Variants in CYP19A1 observed in about 807,000 individuals in gnomAD.
CYP19A1 encodes aromatase.
Under a neutral mutation model 44.4 loss-of-function variants are expected in CYP19A1, and 32 were observed. The observed-to-expected ratio is 0.72, with a 90% CI of 0.54 to 0.97. The LOEUF (loss-of-function observed/expected upper bound fraction) is 0.97. Ranked by LOEUF, CYP19A1 falls within the 50% of genes least tolerant of loss-of-function variation. CYP19A1 has a pLI of 0.00. For missense variants in CYP19A1, 598 were observed against 637.8 expected (o/e 0.94, Z 0.67); for synonymous variants, 212 against 215.6 (o/e 0.98, Z 0.14).
At chr15:51,236,461 T>A (rs1289669198) in intron 3 of CYP19A1, among the ~76,000 whole-genome samples, 1 of 152,196 alleles carries the variant, frequency 6.6e-6, no homozygotes, top group East Asian at 1.9e-4. Flanking sequence ...TTTCTGTGGG[T>A]TTTTTCTTTG....
chr15:51,269,647 G>A (rs1250189828), intron 1 of CYP19A1, among the ~76,000 whole-genome samples: 1 of 152,092 alleles, frequency 6.6e-6, no homozygotes, highest in Non-Finnish European at 1.5e-5. Context: ...TATTTCTCTG[G>A]GTAGCTCCTA....
At chr15:51,228,492 G>T (rs2032774981) in intron 3 of CYP19A1, among the ~76,000 whole-genome samples, 1 of 152,232 alleles carries the variant, frequency 6.6e-6, no homozygotes, top group Non-Finnish European at 1.5e-5. Flanking sequence ...ATCAGTCAGG[G>T]CTTGAAAAAT....
At chr15:51,223,593 T>TCTCTCTCTCTCACACACA (rs1356666512) in intron 4 of CYP19A1, among the ~76,000 whole-genome samples, 3 of 90,144 alleles carry the variant, frequency 3.3e-5, no homozygotes, top group African/African-American at 4.2e-5. Context: ...TCTCTCTCTC[T>TCTCTCTCTCTCACACACA]CACACACACA....
chr15:51,218,664 A>T lies in CYP19A1; in HGVS notation c.629-9T>A. ...AACCACGATAGCACTTTCTGTAGGAAAAAAAAACACACATACACAAGAAAG... is the reference window on the plus strand; with the variant it reads ...AACCACGATAGCACTTTCTGTAGGATAAAAAAACACACATACACAAGAAAG... On this transcript the variant is annotated splice_polypyrimidine_tract_variant and intron_variant, in intron 5 of 9. Transcript: ENST00000396402. 6.2e-7 allele frequency: 1 copy of T among 1,609,352 alleles called. No homozygotes were observed. The highest frequency in any genetic ancestry group is 8.5e-7 in the Non-Finnish European group (1 of 1,177,600).
chr15:51,280,273 A>G (rs2035471364), intron 1 of CYP19A1, among the ~76,000 whole-genome samples: 1 of 151,108 alleles, frequency 6.6e-6, no homozygotes, highest in African/African-American at 2.4e-5. Context: ...TTTTTTTTGT[A>G]TTTTTTAGTA....
At chr15:51,332,328 G>A (rs2036714895) in intron 1 of CYP19A1, among the ~76,000 whole-genome samples, 1 of 152,134 alleles carries the variant, frequency 6.6e-6, no homozygotes, top group Admixed American at 6.5e-5. Context: ...CCCAGCATGA[G>A]GCCTTTAGGA....
intron 5 of CYP19A1, chr15:51,221,423 G>A (rs2032066592): frequency 6.6e-6 from 1 of 152,116 alleles, no homozygotes; most frequent in Non-Finnish European, 1.5e-5. Context: ...TACTTTCCAG[G>A]TTAGTGTGTG....
At chr15:51,337,272 C>T (rs1486917039) in intron 1 of CYP19A1, among the ~76,000 whole-genome samples, 2 of 152,126 alleles carry the variant, frequency 1.3e-5, no homozygotes, top group African/African-American at 2.4e-5. Context: ...ACTAAGATGT[C>T]GATTAACAGC....
At chr15:51,245,957 C>T (rs1463166532) in intron 1 of CYP19A1, among the ~76,000 whole-genome samples, 2 of 152,196 alleles carry the variant, frequency 1.3e-5, no homozygotes, top group African/African-American at 4.8e-5. Flanking sequence ...ATTTTGCTCC[C>T]TATTATGGGA....
At chr15:51,330,567 G>A (rs2036684268) in intron 1 of CYP19A1, among the ~76,000 whole-genome samples, 1 of 152,180 alleles carries the variant, frequency 6.6e-6, no homozygotes, top group Admixed American at 6.5e-5. Flanking sequence ...GAGAGCCCTG[G>A]GCAACAGGCA....
At chr15:51,316,142 G>A (rs1456512633) in intron 1 of CYP19A1, 1 of 152,132 alleles carries the variant, frequency 6.6e-6, no homozygotes, top group Non-Finnish European at 1.5e-5. Flanking sequence ...GGTAAGGTAA[G>A]GGGAAGGACT....
chr15:51,269,663 T>G (rs149379528), intron 1 of CYP19A1, among the ~76,000 whole-genome samples: 2 of 152,294 alleles, frequency 1.3e-5, no homozygotes, highest in Non-Finnish European at 2.9e-5. Flanking sequence ...TCCTAAACAA[T>G]GACAAGCATG....
At chr15:51,306,431 A>T (rs960076531) in intron 1 of CYP19A1, among the ~76,000 whole-genome samples, 2 of 152,042 alleles carry the variant, frequency 1.3e-5, no homozygotes, top group African/African-American at 4.8e-5. Flanking sequence ...AAAACTAGTG[A>T]ATCATTTTAA....
chr15:51,288,345 C>T (rs2140984160), intron 1 of CYP19A1, among the ~76,000 whole-genome samples: 1 of 152,232 alleles, frequency 6.6e-6, no homozygotes, highest in Non-Finnish European at 1.5e-5. Context: ...AAGCAACTCA[C>T]CGCCCACCCC....
chr15:51,236,359 C>A (rs1005560374), intron 3 of CYP19A1, among the ~76,000 whole-genome samples: 4 of 152,118 alleles, frequency 2.6e-5, no homozygotes, highest in African/African-American at 9.7e-5. Flanking sequence ...AATCAGATAC[C>A]TCTGCCTCAG....
intron 3 of CYP19A1, among the ~76,000 whole-genome samples, chr15:51,229,079 C>G (rs28492772): frequency 8.5e-5 from 13 of 152,268 alleles, no homozygotes; most frequent in African/African-American, 2.9e-4. Flanking sequence ...ACCAAAAAAG[C>G]GCTGCTCTGG....
At chr15:51,294,348 G>T (rs1430500861) in intron 1 of CYP19A1, among the ~76,000 whole-genome samples, 2 of 149,378 alleles carry the variant, frequency 1.3e-5, no homozygotes, top group Middle Eastern at 3.6e-3. Context: ...TGTGAGGAGC[G>T]CCTCTGCCCG....
intron 1 of CYP19A1, among the ~76,000 whole-genome samples, chr15:51,322,357 A>G (rs1377585372): frequency 6.6e-6 from 1 of 152,244 alleles, no homozygotes; most frequent in African/African-American, 2.4e-5. Context: ...CTGATTGGGA[A>G]GTGCAAGTGA....
At chr15:51,241,186 T>C (rs2033740833) in intron 2 of CYP19A1, among the ~76,000 whole-genome samples, 1 of 152,220 alleles carries the variant, frequency 6.6e-6, no homozygotes, top group Non-Finnish European at 1.5e-5. Context: ...GCTTCAGGGC[T>C]GCTGGTTCTC....
Sources: gnomAD v4.1 joint callset for allele counts (sites outside exome capture counted in the v4.1 genomes callset) on GRCh38, gnomAD v4.1.1 for gene constraint, MANE v1.5 for transcripts, NCBI Gene and HGNC (gene_info 2026-07-23, HGNC 2026-07-21) for gene names.